The following PRKCZ variants were observed in gnomAD, a reference collection of about 807,000 sequenced individuals.
The protein encoded by PRKCZ is protein kinase C zeta.
Under a neutral mutation model 79.5 loss-of-function variants are expected in PRKCZ, and 33 were observed. That is an observed-to-expected ratio of 0.41 (90% CI 0.31 to 0.55). The LOEUF is 0.55. Ranked by LOEUF, PRKCZ falls within the 20% of genes least tolerant of loss-of-function variation. The probability of loss-of-function intolerance (pLI) is 0.19; values close to 1 mark genes in which losing one functional copy is unlikely to be tolerated. For missense variants in PRKCZ, 578 were observed against 813.5 expected (o/e 0.71, Z 3.52); for synonymous variants, 342 against 320.9 (o/e 1.07, Z -0.70).
At chr1:2,117,998 C>CTTTTTTTTT (rs1553152756) in intron 4 of PRKCZ, among the ~76,000 whole-genome samples, 861 of 65,160 alleles carry the variant, frequency 0.013, 28 homozygotes, top group East Asian at 0.039. Context: ...CCTATTATTT[C>CTTTTTTTTT]TTTTTTTTTT....
At chr1:2,135,121 G>A (rs977215605) in intron 4 of PRKCZ, 141 bp from the exon 5 acceptor site, 6 of 650,586 alleles carry the variant, frequency 9.2e-6, no homozygotes, top group African/African-American at 1.8e-5. Flanking sequence ...CCGGGAGGCC[G>A]TCATTCCAGC....
intron 5 of PRKCZ, chr1:2,141,481 G>C (rs1226904017): frequency 3.3e-5 from 5 of 152,286 alleles, no homozygotes; most frequent in Admixed American, 2.0e-4. Flanking sequence ...GAGTAGCTGG[G>C]ATTACAGATG....
intron 10 of PRKCZ, among the ~76,000 whole-genome samples, chr1:2,162,853 G>A (rs1216452265): frequency 2.6e-5 from 4 of 152,184 alleles, no homozygotes; most frequent in Non-Finnish European, 4.4e-5. Context: ...TGGTCTCTGC[G>A]TGGTAACTGT....
rs1352498091 is a variant in PRKCZ, at chr1:2,169,611, G to A, written c.1061+7G>A. ...TCCCTGAGGAGCACGCCAGGTGGGT[G>A]CGCGTGGACGGGGCCGGGTGGGTGC... On this transcript the variant is annotated splice_region_variant and intron_variant, in intron 11 of 17. Transcript: ENST00000378567. The A allele has an allele frequency of 1.3e-6, 2 of 1,495,582 alleles. No individual in the cohort carries two copies. Among genetic ancestry groups the A allele is most frequent in the East Asian group, 5.0e-5 (2 of 40,022 alleles). The allele number at this position is 1,495,582 out of a possible 1,614,324, so 92.6% of individuals were successfully genotyped here. A position where few individuals can be genotyped will look rare whatever the true frequency, so the allele number is the denominator to read the frequency against.
At chr1:2,155,319 GTGA>G (rs771502150) in intron 9 of PRKCZ, among the ~76,000 whole-genome samples, 15 of 151,770 alleles carry the variant, frequency 9.9e-5, no homozygotes, top group Non-Finnish European at 1.9e-4. Flanking sequence ...GGTGATGACA[GTGA>G]TGATGGTAGT....
chr1:2,172,427 G>C lies in PRKCZ; in HGVS notation c.1285+39G>C. On this transcript the variant is annotated intron_variant, in intron 13 of 17. Coordinates refer to ENST00000378567, the MANE Select transcript of PRKCZ (RefSeq NM_002744.6). This position sits in a 1 kb window ranked among gnomAD's most constrained non-coding sequence, Gnocchi z 7.8. The stretch of plus-strand genomic sequence containing the variant: ...CCCTGGCCCCTCTCGGAGCACACAG[G>C]GCCAGAGATGGCTTCGGGCCTGGCC... 6.3e-7 allele frequency: 1 copy of C among 1,582,774 alleles called. No individual in the cohort carries two copies. The highest frequency in any genetic ancestry group is 8.6e-7 in the Non-Finnish European group (1 of 1,162,566).
chr1:2,109,782 T>C (rs887337118), intron 4 of PRKCZ, among the ~76,000 whole-genome samples: 3 of 152,046 alleles, frequency 2.0e-5, no homozygotes, highest in African/African-American at 7.2e-5. Context: ...GCCATGGGCC[T>C]GTGGGCCGTG....
chr1:2,086,868 C>A (rs1183872520), intron 4 of PRKCZ, among the ~76,000 whole-genome samples: 1 of 152,210 alleles, frequency 6.6e-6, no homozygotes, highest in Non-Finnish European at 1.5e-5. Context: ...GGCATCGTCA[C>A]CAGGGCAGCA....
rs961888313 is a variant in PRKCZ at position 2,075,518 on chromosome 1, C to T, written c.334+15927C>T. ...CAGATCGGCACACATCTTCCGCGTT[C>T]CTGTCCCAGCTGCATCAGCCATCAG... is the stretch of plus-strand genomic sequence containing the variant. On this transcript the variant is annotated intron_variant, in intron 4 of 17. Coordinates refer to ENST00000378567, the MANE Select transcript of PRKCZ (RefSeq NM_002744.6). This position sits in a 1 kb window ranked among gnomAD's most constrained non-coding sequence, Gnocchi z 4.8. 3 of 152,264 alleles carry T rather than the reference C, an allele frequency of 2.0e-5. No individual in the cohort carries two copies. The highest frequency in any genetic ancestry group is 6.5e-5 in the Admixed American group (1 of 15,282). 9.4% of individuals were successfully genotyped at this position (152,264 alleles called of 1,614,324 possible).
intron 4 of PRKCZ, among the ~76,000 whole-genome samples, chr1:2,133,141 G>T (rs996780597): frequency 6.6e-6 from 1 of 152,160 alleles, no homozygotes; most frequent in Non-Finnish European, 1.5e-5. Context: ...TCCAGTTGGC[G>T]CATTTTCAGG....
chr1:2,055,391 G>A, intron 1 of PRKCZ, 50 bp from the exon 2 acceptor site: 1 of 1,534,096 alleles, frequency 6.5e-7, no homozygotes, highest in Non-Finnish European at 8.8e-7. Context: ...TTTTTAATTT[G>A]ATTCAAATAT....
intron 4 of PRKCZ, among the ~76,000 whole-genome samples, chr1:2,130,040 C>T (rs1326813198): frequency 6.6e-6 from 1 of 152,050 alleles, no homozygotes; most frequent in Non-Finnish European, 1.5e-5. Context: ...GTAGCTGGGA[C>T]TATAGGTGCA....
chr1:2,143,867 C>T (rs998577477), intron 5 of PRKCZ: 2 of 246,300 alleles, frequency 8.1e-6, no homozygotes, highest in African/African-American at 2.2e-5. Flanking sequence ...CTACGCAGAG[C>T]GCAGCAGGAG....
At chr1:2,182,278 T>A (rs1572056085) in intron 16 of PRKCZ, 1 of 174,286 alleles carries the variant, frequency 5.7e-6, no homozygotes, top group Admixed American at 6.4e-5. Context: ...AGCCTCGAGC[T>A]GAGGCCCAGC....
At chr1:2,170,680 G>A (rs536254918) in intron 11 of PRKCZ, among the ~76,000 whole-genome samples, 5 of 152,250 alleles carry the variant, frequency 3.3e-5, no homozygotes, top group South Asian at 2.1e-4. Flanking sequence ...CACCCCAGAC[G>A]GGCACGTCCC....
intron 4 of PRKCZ, among the ~76,000 whole-genome samples, chr1:2,116,594 C>A (rs146111675): frequency 6.6e-6 from 1 of 152,158 alleles, no homozygotes; most frequent in South Asian, 2.1e-4. Flanking sequence ...AGGGCTTTTG[C>A]GTCCTGGCTG....
intron 4 of PRKCZ, among the ~76,000 whole-genome samples, chr1:2,099,132 G>A (rs1489840096): frequency 1.3e-5 from 2 of 152,118 alleles, no homozygotes; most frequent in Admixed American, 1.3e-4. Flanking sequence ...ATATTCGTTG[G>A]AGAAGGAGCC....
Position 2,172,432 on chromosome 1 carries a change from G to C in PRKCZ, c.1285+44G>C. 6.3e-7 allele frequency: 1 copy of C among 1,579,518 alleles called. No homozygotes were observed. The highest frequency in any genetic ancestry group is 8.6e-7 in the Non-Finnish European group (1 of 1,160,494). ...GCCCCTCTCGGAGCACACAGGGCCAGAGATGGCTTCGGGCCTGGCCCAGCA... is the reference window on the plus strand; with the variant it reads ...GCCCCTCTCGGAGCACACAGGGCCACAGATGGCTTCGGGCCTGGCCCAGCA... On this transcript the variant is annotated intron_variant, in intron 13 of 17. Transcript: ENST00000378567. The surrounding 1 kb of genome is among the most constrained non-coding windows in gnomAD (Gnocchi z 7.8).
At chr1:2,074,423 TG>T (rs1264832845) in intron 4 of PRKCZ, 1 of 1,165,910 alleles carries the variant, frequency 8.6e-7, no homozygotes. Context: ...CGATGCTTTT[TG>T]GTTGTGGGTC....
Sources: gnomAD v4.1 joint callset for allele counts (sites outside exome capture counted in the v4.1 genomes callset) on GRCh38, gnomAD v4.1.1 for gene constraint, Gnocchi (gnomAD v3.1) non-coding constraint, MANE v1.5 for transcripts, NCBI Gene and HGNC (gene_info 2026-07-23, HGNC 2026-07-21) for gene names.